Variants in IGSF3 observed in about 807,000 individuals in gnomAD.
IGSF3 encodes the protein glu-Trp-Ile EWI motif-containing protein 3.
In IGSF3, 23 loss-of-function variants were observed where a neutral mutation model predicts 114.4. That is an observed-to-expected ratio of 0.20 (90% CI 0.14 to 0.28). The LOEUF (loss-of-function observed/expected upper bound fraction) is 0.28. Among genes scored for constraint, IGSF3 ranks in the 10% least tolerant of loss-of-function variants. IGSF3 has a pLI of 1.00. For missense variants in IGSF3, 1,172 were observed against 1,591.5 expected (o/e 0.74, Z 4.48); for synonymous variants, 571 against 645.2 (o/e 0.88, Z 1.74).
rs1444748551 is a variant in IGSF3 at position 116,628,527 on chromosome 1, A to G, written c.44-12070T>C. Among the ~76,000 whole-genome samples the G allele has an allele frequency of 6.6e-6, 1 of 152,000 alleles. No individual in the cohort carries two copies. The highest frequency in any genetic ancestry group is 1.5e-5 in the Non-Finnish European group (1 of 67,970). ...TCTGTATTCCATTACCCAGCATATA[A>G]CCACTTTGGGCAACAGGGACTGTGA... On this transcript the variant is annotated intron_variant, in intron 2 of 10. Transcript: ENST00000369486. This position sits in a 1 kb window ranked among gnomAD's most constrained non-coding sequence, Gnocchi z 4.2.
chr1:116,637,660 A>C (rs1024946282), intron 2 of IGSF3, among the ~76,000 whole-genome samples: 5 of 151,984 alleles, frequency 3.3e-5, no homozygotes, highest in African/African-American at 1.2e-4. Context: ...CATCCTTCCC[A>C]CGGCCTCCCC....
rs1454546467 is a variant in IGSF3, at chr1:116,589,159, A to T, written c.2030-55T>A. ...CCACAGACTCCCAGAAACGTGGCCC[A>T]TCCACCTCCAGGCTCTGAGCCAGGT... On this transcript the variant is annotated intron_variant, in intron 7 of 10. Transcript: ENST00000369486. The surrounding 1 kb of genome is among the most constrained non-coding windows in gnomAD (Gnocchi z 5.7). The T allele has an allele frequency of 6.6e-5, 101 of 1,522,576 alleles. No homozygotes were observed. The highest frequency in any genetic ancestry group is 8.4e-5 in the Non-Finnish European group (93 of 1,113,652). 94.3% of individuals were successfully genotyped at this position (1,522,576 alleles called of 1,614,324 possible).
At chr1:116,599,593 G>A (rs115304370) in intron 7 of IGSF3, among the ~76,000 whole-genome samples, 1,959 of 152,296 alleles carry the variant, frequency 0.013, 34 homozygotes, top group African/African-American at 0.045. Flanking sequence ...AACCCCAAGG[G>A]TGTGATGATG....
rs546663745 is a variant in IGSF3 at position 116,643,744 on chromosome 1, T to G, written c.43+22540A>C. On this transcript the variant is annotated intron_variant, in intron 2 of 10. Coordinates refer to ENST00000369486, the MANE Select transcript of IGSF3 (RefSeq NM_001007237.3). ...CACAGGTGTAGAAAGGGCTTTGACA[T>G]GCGACAGATCCTCCGATCCCTGTGA... 2.0e-5 allele frequency among the ~76,000 whole-genome samples: 3 copies of G among 152,216 alleles called. No homozygotes were observed. In the South Asian group the frequency reaches 6.2e-4, roughly 31 times the overall value.
chr1:116,622,563 C>CTCTCCTAT (rs1025809199), intron 2 of IGSF3, among the ~76,000 whole-genome samples: 1 of 151,954 alleles, frequency 6.6e-6, no homozygotes, highest in Non-Finnish European at 1.5e-5. Flanking sequence ...TGATTTTCTC[C>CTCTCCTAT]TCTCCTATTT....
intron 2 of IGSF3, among the ~76,000 whole-genome samples, chr1:116,639,373 C>G (rs1397493921): frequency 3.3e-5 from 5 of 152,200 alleles, no homozygotes; most frequent in African/African-American, 7.2e-5. Context: ...CATTTTCTAC[C>G]TAAATTCTAC....
In IGSF3 at chr1:116,579,309, A is replaced by T; in HGVS notation, c.3334+83T>A. 1 of 1,489,612 alleles carries T rather than the reference A, an allele frequency of 6.7e-7. No homozygotes were observed. Among genetic ancestry groups the T allele is most frequent in the Non-Finnish European group, 9.0e-7 (1 of 1,112,500 alleles). The allele number at this position is 1,489,612 out of a possible 1,614,324, so 92.3% of individuals were successfully genotyped here. A position where few individuals can be genotyped will look rare whatever the true frequency, so the allele number is the denominator to read the frequency against. ...ATGACAGTTAAGAAAACTGTTTATT[A>T]ACCCATAATCAAGCTCAAATTTATC... On this transcript the variant is annotated intron_variant, in intron 10 of 10. Coordinates refer to ENST00000369486, the MANE Select transcript of IGSF3 (RefSeq NM_001007237.3). This position sits in a 1 kb window ranked among gnomAD's most constrained non-coding sequence, Gnocchi z 6.4.
At position 116,588,914 on chromosome 1, in the gene IGSF3, T is replaced by C. The variant is rs201029133; in HGVS notation, c.2220A>G (p.Glu740=). 4.5e-5 allele frequency: 73 copies of C among 1,614,166 alleles called. No individual in the cohort carries two copies. The South Asian group carries it at 7.8e-4, about 17-fold the overall frequency. ...CCTCCTCCTCGGCGTAAGTACCGTA[T>C]TCAAAGGCGGAGTTGTGGGTGGTCT... ...ILKTTHNSAF[E]YGTYAEEEGL... is the part of the protein sequence containing the mutation. Residue 740 remains glutamate (E), a synonymous_variant, in exon 8 of 11, where the codon GAA becomes GAG. Coordinates refer to ENST00000369486, the MANE Select transcript of IGSF3 (RefSeq NM_001007237.3). The surrounding 1 kb of genome is among the most constrained non-coding windows in gnomAD (Gnocchi z 4.9).
At chr1:116,601,725 T>C (rs138992756) in intron 6 of IGSF3, among the ~76,000 whole-genome samples, 1,863 of 152,324 alleles carry the variant, frequency 0.012, 31 homozygotes, top group African/African-American at 0.042. Context: ...GCTATCTCTA[T>C]ATACCCTTTA....
intron 9 of IGSF3, among the ~76,000 whole-genome samples, chr1:116,581,116 G>C (rs1478974405): frequency 6.6e-6 from 1 of 152,176 alleles, no homozygotes; most frequent in African/African-American, 2.4e-5. Flanking sequence ...AACCCAAGGA[G>C]ATCAGTATCT....
rs987616488 is a variant in IGSF3 at position 116,661,545 on chromosome 1, T to C, written c.43+4739A>G. Among the ~76,000 whole-genome samples, 1 of 152,240 alleles carries C rather than the reference T, an allele frequency of 6.6e-6. No individual in the cohort carries two copies. The highest frequency in any genetic ancestry group is 2.4e-5 in the African/African-American group (1 of 41,458). On this transcript the variant is annotated intron_variant, in intron 2 of 10. Coordinates refer to ENST00000369486, the MANE Select transcript of IGSF3 (RefSeq NM_001007237.3). This position sits in a 1 kb window ranked among gnomAD's most constrained non-coding sequence, Gnocchi z 4.0. ...TTCCTATGAAACAAACGTTGGTTCA[T>C]CTAACTCATGCCTTCCTAACAAGCC...
At chr1:116,590,096 G>A (rs1338647883) in intron 7 of IGSF3, among the ~76,000 whole-genome samples, 1 of 152,068 alleles carries the variant, frequency 6.6e-6, no homozygotes, top group South Asian at 2.1e-4. Flanking sequence ...GGGGGAGTGA[G>A]AGAGAAGGCT....
At chr1:116,611,956 A>G (rs760096686) in intron 4 of IGSF3, among the ~76,000 whole-genome samples, 1 of 152,218 alleles carries the variant, frequency 6.6e-6, no homozygotes, top group Non-Finnish European at 1.5e-5. Flanking sequence ...AAATAAACTA[A>G]GAAGGGTAGA....
At chr1:116,641,495 C>CAAAAAAA (rs57930787) in intron 2 of IGSF3, among the ~76,000 whole-genome samples, 14 of 40,644 alleles carry the variant, frequency 3.4e-4, no homozygotes, top group East Asian at 6.2e-4. Flanking sequence ...GACTCTGTCT[C>CAAAAAAA]AAAAAAAAAA....
At chr1:116,640,070 G>C (rs975821887) in intron 2 of IGSF3, among the ~76,000 whole-genome samples, 1 of 144,664 alleles carries the variant, frequency 6.9e-6, no homozygotes. Context: ...AAGAAAGAAA[G>C]AAAGGAAGGA....
Position 116,589,443 on chromosome 1 carries a change from C to A in IGSF3, c.2030-339G>T, listed in dbSNP as rs994132981. Among the ~76,000 whole-genome samples the A allele has an allele frequency of 6.6e-6, 1 of 152,094 alleles. No individual in the cohort carries two copies. Among genetic ancestry groups the A allele is most frequent in the Non-Finnish European group, 1.5e-5 (1 of 68,024 alleles). ...AAGTTTAATGGCTCTGAACTACCTA[C>A]GGGCCAGAGAGAAACAATTCCTTTT... On this transcript the variant is annotated intron_variant, in intron 7 of 10. Coordinates refer to ENST00000369486, the MANE Select transcript of IGSF3 (RefSeq NM_001007237.3). This position sits in a 1 kb window ranked among gnomAD's most constrained non-coding sequence, Gnocchi z 5.7.
Position 116,655,373 on chromosome 1 carries a change from C to T in IGSF3, c.43+10911G>A, listed in dbSNP as rs2101076602. Among the ~76,000 whole-genome samples, 1 of 152,314 alleles carries T rather than the reference C, an allele frequency of 6.6e-6. No individual in the cohort carries two copies. The highest frequency in any genetic ancestry group is 1.9e-4 in the East Asian group (1 of 5,190). On this transcript the variant is annotated intron_variant, in intron 2 of 10. Transcript: ENST00000369486. The surrounding 1 kb of genome is among the most constrained non-coding windows in gnomAD (Gnocchi z 4.3). ...TGACTATGACACATGAATCCCACAG[C>T]CATCTCTCCAAAAGAACAACTATTT...
chr1:116,635,914 C>T lies in IGSF3; in HGVS notation c.44-19457G>A, dbSNP rs1571178623. On this transcript the variant is annotated intron_variant, in intron 2 of 10. Coordinates refer to ENST00000369486, the MANE Select transcript of IGSF3 (RefSeq NM_001007237.3). ...GCCTTATGCAGGCAACCATTCCTGC[C>T]TTGTGTTGTGTGAGTGCCTTAAGTC... Among the ~76,000 whole-genome samples the T allele has an allele frequency of 2.0e-5, 3 of 152,210 alleles. No individual in the cohort carries two copies. In the South Asian group the frequency reaches 6.2e-4, roughly 31 times the overall value.
At position 116,579,912 on chromosome 1, in the gene IGSF3, T is replaced by G; in HGVS notation, c.2849-35A>C. 1.3e-6 allele frequency: 2 copies of G among 1,540,036 alleles called. No homozygotes were observed. Among genetic ancestry groups the G allele is most frequent in the African/African-American group, 1.4e-5 (1 of 72,620 alleles). On this transcript the variant is annotated intron_variant, in intron 9 of 10. Transcript: ENST00000369486. The surrounding 1 kb of genome is among the most constrained non-coding windows in gnomAD (Gnocchi z 6.4). ...GACAAGGGACAAACAGGGAAGGGGT[T>G]GTTTAAATTTATTTGCTCAAAATAA... is the stretch of plus-strand genomic sequence containing the variant.
Sources: gnomAD v4.1 joint callset for allele counts (sites outside exome capture counted in the v4.1 genomes callset) on GRCh38, gnomAD v4.1.1 for gene constraint, Gnocchi (gnomAD v3.1) non-coding constraint, MANE v1.5 for transcripts, NCBI Gene and HGNC (gene_info 2026-07-23, HGNC 2026-07-21) for gene names.